KCNMA1: variants seen among roughly 807,000 people sequenced by gnomAD.
KCNMA1 encodes the protein Calcium-activated potassium channel subunit alpha-1.
A neutral mutation model predicts 140.0 loss-of-function variants in KCNMA1; 29 were observed. That is an observed-to-expected ratio of 0.21 (90% CI 0.15 to 0.28). The LOEUF (loss-of-function observed/expected upper bound fraction) is 0.28. Ranked by LOEUF, KCNMA1 falls within the 10% of genes least tolerant of loss-of-function variation. The pLI, the probability that KCNMA1 is intolerant of heterozygous loss-of-function variation, is 1.00. For missense variants in KCNMA1, 880 were observed against 1,602.2 expected (o/e 0.55, Z 7.70); for synonymous variants, 612 against 611.9 (o/e 1.00, Z 0.00).
intron 5 of KCNMA1, among the ~76,000 whole-genome samples, chr10:77,177,807 T>G (rs921851249): frequency 2.0e-5 from 3 of 152,176 alleles, no homozygotes; most frequent in Admixed American, 1.3e-4. Context: ...GCCTGTACCT[T>G]GCAATTACGG....
In KCNMA1 at chr10:77,066,354, T is replaced by C. The variant is rs2095947937; in HGVS notation, c.1749+6743A>G. On this transcript the variant is annotated intron_variant, in intron 14 of 27. Coordinates refer to ENST00000286628, the MANE Select transcript of KCNMA1 (RefSeq NM_001161352.2). Reference sequence around the variant, plus strand: ...ATTTCCTGCTGTATTGAATGTGGTGTTTGAGGGCAAATAAATAAATTTTTA... The same window carrying C: ...ATTTCCTGCTGTATTGAATGTGGTGCTTGAGGGCAAATAAATAAATTTTTA... Among the ~76,000 whole-genome samples the C allele has an allele frequency of 2.6e-5, 4 of 152,258 alleles. 1 individual carries two copies. In the Middle Eastern group the frequency reaches 0.014, roughly 518 times the overall value.
intron 14 of KCNMA1, among the ~76,000 whole-genome samples, chr10:77,053,327 T>C (rs1267812543): frequency 6.6e-6 from 1 of 152,154 alleles, no homozygotes; most frequent in Non-Finnish European, 1.5e-5. Flanking sequence ...TTCATTAACA[T>C]ATGGGAAAGA....
intron 19 of KCNMA1, among the ~76,000 whole-genome samples, chr10:76,976,536 T>C (rs954541595): frequency 2.0e-5 from 3 of 152,194 alleles, no homozygotes; most frequent in Non-Finnish European, 2.9e-5. Context: ...AGAATCCAAT[T>C]GGGTAAATTA....
chr10:76,905,981 T>G (rs929412636), intron 25 of KCNMA1, among the ~76,000 whole-genome samples: 9 of 152,238 alleles, frequency 5.9e-5, no homozygotes, highest in Non-Finnish European at 1.2e-4. Context: ...TCTAATCGCT[T>G]TACAACCTTT....
intron 3 of KCNMA1, among the ~76,000 whole-genome samples, chr10:77,209,476 T>C (rs1249706218): frequency 1.3e-5 from 2 of 152,210 alleles, no homozygotes; most frequent in African/African-American, 2.4e-5. Flanking sequence ...GCTCTGAAGT[T>C]CTAGGTTCAG....
At chr10:77,279,217 T>G (rs1435166618) in intron 2 of KCNMA1, among the ~76,000 whole-genome samples, 2 of 152,210 alleles carry the variant, frequency 1.3e-5, no homozygotes, top group African/African-American at 2.4e-5. Flanking sequence ...CATCAACTAT[T>G]TACTTAAACA....
chr10:77,506,596 A>AGAGAGAGAGAGAGT, intron 1 of KCNMA1, among the ~76,000 whole-genome samples: 31 of 83,570 alleles, frequency 3.7e-4, no homozygotes, highest in African/African-American at 2.2e-3. Flanking sequence ...AGAGAGAGAG[A>AGAGAGAGAGAGAGT]GTGTGTGTGT....
At chr10:77,575,228 T>C (rs1345650175) in intron 1 of KCNMA1, among the ~76,000 whole-genome samples, 2 of 152,108 alleles carry the variant, frequency 1.3e-5, no homozygotes, top group Non-Finnish European at 2.9e-5. Context: ...CAGCATCAGC[T>C]CCCTGAATAC....
chr10:76,953,697 C>T, intron 21 of KCNMA1, 104 bp downstream of exon 21: 1 of 1,361,248 alleles, frequency 7.3e-7, no homozygotes, highest in East Asian at 2.3e-5. Flanking sequence ...ATAATTAGGA[C>T]CAGGGACAGT....
chr10:77,454,866 G>A (rs1337748753), intron 1 of KCNMA1, among the ~76,000 whole-genome samples: 1 of 152,036 alleles, frequency 6.6e-6, no homozygotes, highest in Non-Finnish European at 1.5e-5. Context: ...AGTATCCTAG[G>A]GCTGTGGATC....
At chr10:76,895,314 G>A (rs575772064) in intron 25 of KCNMA1, among the ~76,000 whole-genome samples, 27 of 152,222 alleles carry the variant, frequency 1.8e-4, no homozygotes, top group African/African-American at 2.6e-4. Flanking sequence ...TCTTTAACTC[G>A]GTGTCTGAGG....
chr10:77,313,367 T>A (rs140682246), intron 2 of KCNMA1, among the ~76,000 whole-genome samples: 9 of 152,320 alleles, frequency 5.9e-5, no homozygotes, highest in African/African-American at 2.2e-4. Context: ...AGAGGAGCAC[T>A]TCTCTTCCCC....
chr10:76,962,699 C>T (rs2072158801), intron 20 of KCNMA1, among the ~76,000 whole-genome samples: 1 of 152,096 alleles, frequency 6.6e-6, no homozygotes. Context: ...CTGTTTTATC[C>T]ATTAGATGGT....
chr10:77,203,057 C>T (rs11002078), intron 3 of KCNMA1, among the ~76,000 whole-genome samples: 13,544 of 152,148 alleles, frequency 0.089, 719 homozygotes, highest in African/African-American at 0.14. Context: ...AACCTGACAC[C>T]GTTATTACCT....
At chr10:77,156,644 A>C (rs2098487665) in intron 5 of KCNMA1, among the ~76,000 whole-genome samples, 1 of 152,258 alleles carries the variant, frequency 6.6e-6, no homozygotes, top group African/African-American at 2.4e-5. Context: ...ACATAAGCGC[A>C]GTTAAATGAT....
In KCNMA1 at chr10:76,919,193, C is replaced by T. The variant is rs573987366; in HGVS notation, c.2903-4144G>A. On this transcript the variant is annotated intron_variant, in intron 23 of 27. Transcript: ENST00000286628. ...GAGGGAGACGAGGGATAAAAGACTA[C>T]AAATATGGGGCAGTGTATACTGCTT... Among the ~76,000 whole-genome samples the T allele has an allele frequency of 5.9e-5, 9 of 152,208 alleles. No homozygotes were observed. In the South Asian group the frequency reaches 1.9e-3, roughly 32 times the overall value.
chr10:77,264,695 T>C (rs77704016), intron 2 of KCNMA1, among the ~76,000 whole-genome samples: 4,106 of 152,246 alleles, frequency 0.027, 187 homozygotes, highest in African/African-American at 0.092. Flanking sequence ...ATGTGTCAAA[T>C]TTATATGTGA....
At chr10:77,209,581 T>C (rs2045317736) in intron 3 of KCNMA1, among the ~76,000 whole-genome samples, 1 of 152,164 alleles carries the variant, frequency 6.6e-6, no homozygotes, top group African/African-American at 2.4e-5. Flanking sequence ...TAAAATATAT[T>C]GTACTACCTT....
At chr10:77,198,932 G>A (rs1251032364) in intron 3 of KCNMA1, among the ~76,000 whole-genome samples, 1 of 152,064 alleles carries the variant, frequency 6.6e-6, no homozygotes, top group African/African-American at 2.4e-5. Flanking sequence ...CGTGTATGAT[G>A]GAGGCCTTGA....
Sources: allele counts gnomAD v4.1 joint callset (sites outside exome capture counted in the v4.1 genomes callset), GRCh38; gene constraint gnomAD v4.1.1; transcripts MANE v1.5; gene names NCBI Gene and HGNC (gene_info 2026-07-23, HGNC 2026-07-21).